KCNH1: variants seen among roughly 807,000 people sequenced by gnomAD.
KCNH1 encodes potassium voltage-gated channel subfamily H member 1, also known as voltage-gated delayed rectifier potassium channel KCNH1.
Under a neutral mutation model 69.2 loss-of-function variants are expected in KCNH1, and 27 were observed. That is an observed-to-expected ratio of 0.39 (90% CI 0.29 to 0.54). The LOEUF is 0.54. Ranked by LOEUF, KCNH1 falls within the 20% of genes least tolerant of loss-of-function variation. The probability of loss-of-function intolerance (pLI) is 0.68; values close to 1 mark genes in which losing one functional copy is unlikely to be tolerated. For missense variants in KCNH1, 798 were observed against 1,261.6 expected (o/e 0.63, Z 5.57); for synonymous variants, 456 against 487.7 (o/e 0.93, Z 0.86).
intron 7 of KCNH1, chr1:210,859,717 A>G: frequency 1.7e-6 from 2 of 1,198,238 alleles, no homozygotes; most frequent in South Asian, 1.2e-5. Context: ...CTGTCCAGAA[A>G]CCTGATTTAA....
At chr1:211,114,907 T>C (rs1691538982) in intron 1 of KCNH1, among the ~76,000 whole-genome samples, 1 of 152,204 alleles carries the variant, frequency 6.6e-6, no homozygotes. Context: ...GTTCATGTAC[T>C]GGAAGAATTA....
At chr1:210,840,324 G>A (rs1341251589) in intron 7 of KCNH1, among the ~76,000 whole-genome samples, 1 of 152,120 alleles carries the variant, frequency 6.6e-6, no homozygotes, top group East Asian at 1.9e-4. Context: ...ACCAGCAGTT[G>A]TTCTCCTGAT....
At chr1:210,851,156 C>A (rs980987449) in intron 7 of KCNH1, among the ~76,000 whole-genome samples, 1 of 152,226 alleles carries the variant, frequency 6.6e-6, no homozygotes, top group Admixed American at 6.5e-5. Flanking sequence ...AAATGATTCT[C>A]TCTGGTCACA....
At chr1:210,926,743 C>T (rs1443862883) in intron 6 of KCNH1, among the ~76,000 whole-genome samples, 1 of 151,760 alleles carries the variant, frequency 6.6e-6, no homozygotes, top group Admixed American at 6.6e-5. Flanking sequence ...AAAAAGAATT[C>T]GGGAGGTTGA....
chr1:210,744,733 C>G (rs1400988206), intron 10 of KCNH1, among the ~76,000 whole-genome samples: 1 of 152,114 alleles, frequency 6.6e-6, no homozygotes, highest in Non-Finnish European at 1.5e-5. Flanking sequence ...AGGGTGGGGT[C>G]ATGAATTTAC....
At chr1:211,116,501 G>A (rs1416675365) in intron 1 of KCNH1, among the ~76,000 whole-genome samples, 1 of 152,178 alleles carries the variant, frequency 6.6e-6, no homozygotes, top group Non-Finnish European at 1.5e-5. Flanking sequence ...CACACCTGGG[G>A]TTTCCACTGA....
chr1:210,806,836 A>AAAATATATATATATAT (rs1553346591), intron 7 of KCNH1, among the ~76,000 whole-genome samples: 48 of 85,464 alleles, frequency 5.6e-4, no homozygotes, highest in Non-Finnish European at 8.7e-4. Flanking sequence ...AAAAAAAAAA[A>AAAATATATATATATAT]ATATATATAT....
chr1:211,079,501 A>G (rs1217645316), intron 5 of KCNH1, among the ~76,000 whole-genome samples: 1 of 152,216 alleles, frequency 6.6e-6, no homozygotes, highest in Non-Finnish European at 1.5e-5. Flanking sequence ...AAAGCCTGGC[A>G]GAAACACAAC....
At chr1:210,793,833 T>C (rs945847460) in intron 9 of KCNH1, among the ~76,000 whole-genome samples, 1 of 152,236 alleles carries the variant, frequency 6.6e-6, no homozygotes, top group Non-Finnish European at 1.5e-5. Context: ...TAATTGCTCA[T>C]CCAATGATCC....
At chr1:210,949,831 C>G (rs1329673204) in intron 6 of KCNH1, among the ~76,000 whole-genome samples, 2 of 152,198 alleles carry the variant, frequency 1.3e-5, no homozygotes, top group African/African-American at 2.4e-5. Context: ...GCCGCTCACT[C>G]CAATTCCAGG....
In KCNH1 at chr1:211,028,517, C is replaced by T. The variant is rs568266488; in HGVS notation, c.559-9261G>A. ...GGAAATCAGTGGTCTTTGAAAAGAT[C>T]AGTAACATAAAATAACATCAACAAA... On this transcript the variant is annotated intron_variant, in intron 5 of 10. Coordinates refer to ENST00000271751, the MANE Select transcript of KCNH1 (RefSeq NM_172362.3). Among the ~76,000 whole-genome samples the T allele has an allele frequency of 1.3e-4, 19 of 151,476 alleles. 1 individual carries two copies. In the South Asian group the frequency reaches 3.7e-3, roughly 30 times the overall value.
Position 211,001,886 on chromosome 1 carries a change from A to G in KCNH1, c.1032+16897T>C, listed in dbSNP as rs148890983. 1.5e-3 allele frequency among the ~76,000 whole-genome samples: 224 copies of G among 148,558 alleles called. 7 individuals carry two copies. The East Asian group carries it at 0.039, about 26-fold the overall frequency. On this transcript the variant is annotated intron_variant, in intron 6 of 10. Transcript: ENST00000271751. ...TAGGGACATGGATGAAGCTAGAACC[A>G]TCATTCTCAGCAAACTATCACAAGG...
intron 3 of KCNH1, among the ~76,000 whole-genome samples, chr1:211,093,982 G>A (rs1348342977): frequency 6.6e-6 from 1 of 152,022 alleles, no homozygotes; most frequent in South Asian, 2.1e-4. Flanking sequence ...CTGATTCTAG[G>A]GTTCACTTTT....
chr1:210,846,519 C>A (rs1436940804), intron 7 of KCNH1, among the ~76,000 whole-genome samples: 1 of 152,086 alleles, frequency 6.6e-6, no homozygotes, highest in East Asian at 1.9e-4. Context: ...GGAAAACTGG[C>A]TAGCCATATG....
Position 210,679,142 on chromosome 1 carries a change from G to C in KCNH1, c.*4139C>G, listed in dbSNP as rs1427609903. The C allele has an allele frequency of 6.6e-6, 1 of 152,234 alleles. No homozygotes were observed. The highest frequency in any genetic ancestry group is 1.9e-4 in the East Asian group (1 of 5,202). 9.4% of individuals were successfully genotyped at this position (152,234 alleles called of 1,614,324 possible). On this transcript the variant is annotated 3_prime_UTR_variant, in exon 11 of 11. Transcript: ENST00000271751. ...CAGTCAGTGCTGAGAGGATCATGAA[G>C]TCTCCCCCAGGTGGAGGGCACAGGA...
At chr1:210,973,818 T>C (rs1218069218) in intron 6 of KCNH1, among the ~76,000 whole-genome samples, 2 of 152,188 alleles carry the variant, frequency 1.3e-5, no homozygotes, top group Non-Finnish European at 2.9e-5. Context: ...TGAGAATAGA[T>C]TGTTTACAGT....
intron 9 of KCNH1, among the ~76,000 whole-genome samples, chr1:210,775,965 C>T (rs1306991743): frequency 6.6e-6 from 1 of 152,160 alleles, no homozygotes; most frequent in Non-Finnish European, 1.5e-5. Context: ...ATCCACATAA[C>T]ACAGTGCCTG....
chr1:210,731,457 A>G (rs1682744511), intron 10 of KCNH1, among the ~76,000 whole-genome samples: 1 of 152,104 alleles, frequency 6.6e-6, no homozygotes, highest in South Asian at 2.1e-4. Flanking sequence ...TTACTCTTTC[A>G]CAGGCCTTAT....
intron 10 of KCNH1, among the ~76,000 whole-genome samples, chr1:210,733,418 C>G (rs1473333247): frequency 6.6e-6 from 1 of 152,174 alleles, no homozygotes. Context: ...TCTAAGCCCC[C>G]AGGAACCCCC....
Sources: allele counts gnomAD v4.1 joint callset (sites outside exome capture counted in the v4.1 genomes callset), GRCh38; gene constraint gnomAD v4.1.1; transcripts MANE v1.5; gene names NCBI Gene and HGNC (gene_info 2026-07-23, HGNC 2026-07-21).